HSDL2: variants seen among roughly 807,000 people sequenced by gnomAD.
HSDL2 encodes hydroxysteroid dehydrogenase-like protein 2.
Under a neutral mutation model 46.3 loss-of-function variants are expected in HSDL2, and 27 were observed. The ratio of observed to expected loss-of-function variants is 0.58; its 90% CI spans 0.43 to 0.80. The LOEUF (loss-of-function observed/expected upper bound fraction) is 0.80. Ranked by LOEUF, HSDL2 falls within the 30% of genes least tolerant of loss-of-function variation. The pLI, the probability that HSDL2 is intolerant of heterozygous loss-of-function variation, is 0.00. For synonymous variants in HSDL2, 153 were observed against 163.6 expected (o/e 0.94, Z 0.50); for missense variants, 451 against 502.7 (o/e 0.90, Z 0.98).
At chr9:112,431,521 A>T (rs528942101) in intron 6 of HSDL2, among the ~76,000 whole-genome samples, 153 of 152,190 alleles carry the variant, frequency 1.0e-3, no homozygotes, top group Middle Eastern at 3.4e-3. Flanking sequence ...CTCCACCCAA[A>T]TCTCATGTCA....
intron 10 of HSDL2, among the ~76,000 whole-genome samples, chr9:112,461,855 T>C (rs1201470804): frequency 1.3e-5 from 2 of 152,258 alleles, no homozygotes; most frequent in African/African-American, 4.8e-5. Flanking sequence ...ATTTCACTTA[T>C]GTAGCATACA....
intron 10 of HSDL2, among the ~76,000 whole-genome samples, chr9:112,463,873 C>T (rs1419143588): frequency 6.6e-6 from 1 of 151,592 alleles, no homozygotes; most frequent in African/African-American, 2.4e-5. Context: ...GTTGGCCAGG[C>T]TGGTCTCAAA....
At chr9:112,460,077 T>C (rs1258428093) in intron 10 of HSDL2, among the ~76,000 whole-genome samples, 1 of 152,210 alleles carries the variant, frequency 6.6e-6, no homozygotes, top group African/African-American at 2.4e-5. Context: ...TTCTATTCTG[T>C]CCATTTACCT....
intron 2 of HSDL2, among the ~76,000 whole-genome samples, chr9:112,405,325 C>T (rs1212215630): frequency 1.3e-5 from 2 of 152,120 alleles, no homozygotes; most frequent in Non-Finnish European, 2.9e-5. Flanking sequence ...TCACCCAAGC[C>T]TGGGCAAGAG....
chr9:112,426,234 CTTTTT>C (rs71382430), intron 6 of HSDL2, among the ~76,000 whole-genome samples: 3 of 95,772 alleles, frequency 3.1e-5, no homozygotes, highest in Admixed American at 2.4e-4. Flanking sequence ...GGTAAGCCTT[CTTTTT>C]TTTTTTTTTT....
rs116070284 is a variant in HSDL2, at chr9:112,380,309, C to G, written c.17+129C>G. ...GTCAAGGATACTGCCTGGGCACGCTCTGAGCTCTGGTCCGCGCTGGGCACT... is the reference window on the plus strand; with the variant it reads ...GTCAAGGATACTGCCTGGGCACGCTGTGAGCTCTGGTCCGCGCTGGGCACT... On this transcript the variant is annotated intron_variant, in intron 1 of 10. Transcript: ENST00000398805. 2.8e-3 allele frequency: 2,352 copies of G among 849,170 alleles called. 45 individuals carry two copies. The African/African-American group carries it at 0.038, about 14-fold the overall frequency. 52.6% of individuals were successfully genotyped at this position (849,170 alleles called of 1,614,324 possible).
chr9:112,391,808 C>T lies in HSDL2; in HGVS notation c.17+11628C>T, dbSNP rs180709447. Among the ~76,000 whole-genome samples, 196 of 149,770 alleles carry T rather than the reference C, an allele frequency of 1.3e-3. 1 individual carries two copies. The highest frequency in any genetic ancestry group is 4.5e-3 in the African/African-American group (182 of 40,674). ...TAATCCCAGCTACTTGGGAGGCTGA[C>T]GCACGAGAATCACTTGAACCCAGGA... On this transcript the variant is annotated intron_variant, in intron 1 of 10. Coordinates refer to ENST00000398805, the MANE Select transcript of HSDL2 (RefSeq NM_032303.5).
At chr9:112,411,385 T>C (rs1482895177) in intron 4 of HSDL2, among the ~76,000 whole-genome samples, 2 of 152,202 alleles carry the variant, frequency 1.3e-5, no homozygotes, top group Non-Finnish European at 2.9e-5. Context: ...GTAAGAATTA[T>C]GGCAAATGGC....
chr9:112,412,335 A>G (rs1017843457), intron 4 of HSDL2, among the ~76,000 whole-genome samples: 2 of 152,182 alleles, frequency 1.3e-5, no homozygotes, highest in Non-Finnish European at 2.9e-5. Context: ...GTATTGACAA[A>G]TATCTTGGCA....
At chr9:112,393,031 A>C (rs1564103497) in intron 1 of HSDL2, among the ~76,000 whole-genome samples, 2 of 152,126 alleles carry the variant, frequency 1.3e-5, no homozygotes, top group Non-Finnish European at 2.9e-5. Context: ...ATGGCGATGA[A>C]GGCTTGTTCG....
In HSDL2 at chr9:112,453,994, C is replaced by CTTCAATAATA. The variant is rs1413824667; in HGVS notation, c.866-17_866-8dup. The stretch of plus-strand genomic sequence containing the variant: ...CACTGCCAAGCATTAAGGTCATTTG[C>CTTCAATAATA]TTCAATAATATCTTATAGGTGCTGT... On this transcript the variant is annotated intron_variant, in intron 8 of 10. Transcript: ENST00000398805. The CTTCAATAATA allele has an allele frequency of 2.6e-5, 42 of 1,607,764 alleles. No homozygotes were observed. Among genetic ancestry groups the CTTCAATAATA allele is most frequent in the Non-Finnish European group, 3.4e-5 (40 of 1,177,602 alleles).
rs758735711 is a variant in HSDL2 at position 112,459,416 on chromosome 9, A to G, written c.1016-33A>G. 3.9e-5 allele frequency: 62 copies of G among 1,607,440 alleles called. 1 individual carries two copies. The highest frequency in any genetic ancestry group is 2.5e-4 in the South Asian group (23 of 90,574). On this transcript the variant is annotated intron_variant, in intron 9 of 10. Transcript: ENST00000398805. The stretch of plus-strand genomic sequence containing the variant: ...TAAATTTAAGAAGAACAGGGCTTCT[A>G]TGACATTGATTTCTATATGTTTATC...
At chr9:112,386,728 A>G (rs1408313333) in intron 1 of HSDL2, among the ~76,000 whole-genome samples, 1 of 152,204 alleles carries the variant, frequency 6.6e-6, no homozygotes, top group Non-Finnish European at 1.5e-5. Context: ...GTCTCCAGTA[A>G]TCTGTGATTG....
In HSDL2 at chr9:112,471,390, A is replaced by G. The variant is rs971564543; in HGVS notation, c.*846A>G. On this transcript the variant is annotated 3_prime_UTR_variant, in exon 11 of 11. Coordinates refer to ENST00000398805, the MANE Select transcript of HSDL2 (RefSeq NM_032303.5). ...AAGGAGGCTGTTAGTCTAATCCAACATGGTGTCCTTTGGACATAAGAGATA... is the reference window on the plus strand; with the variant it reads ...AAGGAGGCTGTTAGTCTAATCCAACGTGGTGTCCTTTGGACATAAGAGATA... 2 of 152,220 alleles carry G rather than the reference A, an allele frequency of 1.3e-5. No homozygotes were observed. Among genetic ancestry groups the G allele is most frequent in the Non-Finnish European group, 2.9e-5 (2 of 68,052 alleles). The allele number at this position is 152,220 out of a possible 1,614,324, so 9.4% of individuals were successfully genotyped here.
intron 10 of HSDL2, among the ~76,000 whole-genome samples, chr9:112,459,996 C>T (rs1007443873): frequency 6.6e-6 from 1 of 152,142 alleles, no homozygotes; most frequent in East Asian, 1.9e-4. Context: ...AAACACATAC[C>T]AGCCCTTGGC....
intron 6 of HSDL2, among the ~76,000 whole-genome samples, chr9:112,432,777 G>A: frequency 6.6e-6 from 1 of 152,100 alleles, no homozygotes; most frequent in Non-Finnish European, 1.5e-5. Context: ...GTTGTGTTTT[G>A]TTTTTGTTTT....
chr9:112,449,468 A>G (rs1400819979), intron 8 of HSDL2, among the ~76,000 whole-genome samples: 2 of 152,154 alleles, frequency 1.3e-5, no homozygotes, highest in Non-Finnish European at 2.9e-5. Flanking sequence ...TCTCAAAAGC[A>G]CCAGACTTTA....
At chr9:112,422,366 TA>T (rs1316412948) in intron 6 of HSDL2, among the ~76,000 whole-genome samples, 10 of 152,126 alleles carry the variant, frequency 6.6e-5, no homozygotes, top group African/African-American at 2.4e-4. Flanking sequence ...ATCAAACTGT[TA>T]AAGAAAAAAT....
In HSDL2 at chr9:112,391,178, A is replaced by AAATAATAATAATAATAAT. The variant is rs57337984; in HGVS notation, c.17+11005_17+11022dup. 1.0e-3 allele frequency among the ~76,000 whole-genome samples: 154 copies of AAATAATAATAATAATAAT among 149,540 alleles called. 2 individuals carry two copies. In the South Asian group the frequency reaches 0.012, roughly 11 times the overall value. ...GTGACAGAGTAAGACTCCATCTCAA[A>AAATAATAATAATAATAAT]AATAATAATAATAATAATAATAATT... On this transcript the variant is annotated intron_variant, in intron 1 of 10. Coordinates refer to ENST00000398805, the MANE Select transcript of HSDL2 (RefSeq NM_032303.5).
Sources: allele counts gnomAD v4.1 joint callset (sites outside exome capture counted in the v4.1 genomes callset), GRCh38; gene constraint gnomAD v4.1.1; transcripts MANE v1.5; gene names NCBI Gene and HGNC (gene_info 2026-07-23, HGNC 2026-07-21).